GRIP1: variants seen among roughly 807,000 people sequenced by gnomAD.
The protein encoded by GRIP1 is glutamate receptor-interacting protein 1.
A neutral mutation model predicts 129.9 loss-of-function variants in GRIP1; 45 were observed. The ratio of observed to expected loss-of-function variants is 0.35; its 90% confidence interval spans 0.27 to 0.44. The LOEUF is 0.44. Ranked by LOEUF, GRIP1 falls within the 20% of genes least tolerant of loss-of-function variation. GRIP1 has a pLI of 1.00. For synonymous variants in GRIP1, 530 were observed against 520.8 expected (o/e 1.02, Z -0.24); for missense variants, 1,196 against 1,396.8 (o/e 0.86, Z 2.29).
At chr12:67,030,726 C>A (rs1411174760) in intron 1 of GRIP1, among the ~76,000 whole-genome samples, 2 of 152,172 alleles carry the variant, frequency 1.3e-5, no homozygotes, top group Non-Finnish European at 2.9e-5. Flanking sequence ...TTCATTTTAA[C>A]CCCCTATCAT....
At chr12:67,007,474 C>T (rs1423193527) in intron 1 of GRIP1, among the ~76,000 whole-genome samples, 2 of 152,078 alleles carry the variant, frequency 1.3e-5, no homozygotes, top group Non-Finnish European at 2.9e-5. Context: ...AATAACTCCC[C>T]TCATCCCCCC....
intron 1 of GRIP1, among the ~76,000 whole-genome samples, chr12:67,001,521 C>T (rs1009397112): frequency 4.6e-5 from 7 of 152,126 alleles, no homozygotes; most frequent in African/African-American, 1.7e-4. Context: ...TCGTGTGATC[C>T]TCTGTAGTCT....
chr12:66,435,211 T>TTC (rs2058266629), intron 13 of GRIP1, among the ~76,000 whole-genome samples: 1 of 151,468 alleles, frequency 6.6e-6, no homozygotes, highest in Non-Finnish European at 1.5e-5. Context: ...CATTTTTTTT[T>TTC]TTTTTTTGGA....
At chr12:66,988,047 C>G (rs1181901964) in intron 1 of GRIP1, among the ~76,000 whole-genome samples, 1 of 152,072 alleles carries the variant, frequency 6.6e-6, no homozygotes, top group African/African-American at 2.4e-5. Flanking sequence ...AACCAGAGGT[C>G]AGGATAAAAG....
At chr12:66,736,821 T>C (rs1231564690) in intron 1 of GRIP1, among the ~76,000 whole-genome samples, 2 of 152,182 alleles carry the variant, frequency 1.3e-5, no homozygotes, top group Non-Finnish European at 2.9e-5. Context: ...TAAAGATACA[T>C]TGGAACTAGA....
At chr12:66,412,155 G>T (rs557467414) in intron 15 of GRIP1, among the ~76,000 whole-genome samples, 1 of 152,208 alleles carries the variant, frequency 6.6e-6, no homozygotes, top group African/African-American at 2.4e-5. Context: ...TACAGGAGAA[G>T]ATCAACCCCA....
At chr12:66,350,733 G>C (rs750928604) in intron 24 of GRIP1, among the ~76,000 whole-genome samples, 4 of 152,098 alleles carry the variant, frequency 2.6e-5, no homozygotes, top group Non-Finnish European at 5.9e-5. Context: ...CATTAGTTCT[G>C]AAAGAGCTGT....
chr12:66,433,641 AACAGTCAGAAAG>A (rs937936548), intron 13 of GRIP1, among the ~76,000 whole-genome samples: 16 of 152,244 alleles, frequency 1.1e-4, no homozygotes, highest in African/African-American at 3.9e-4. Context: ...AAAATTCCTT[AACAGTCAGAAAG>A]ACCTTTAATT....
rs1026402666 is a variant in GRIP1 at position 66,914,035 on chromosome 12, T to C, written c.58+155015A>G. Among the ~76,000 whole-genome samples the C allele has an allele frequency of 2.6e-5, 4 of 152,310 alleles. No homozygotes were observed. The South Asian group carries it at 6.2e-4, about 24-fold the overall frequency. On this transcript the variant is annotated intron_variant, in intron 1 of 1. Coordinates refer to the GRIP1 transcript ENST00000643019. ...AAATTCTTATAACAATCCTATGAGA[T>C]CAGAATTACGCTATCCCTGTTTAAC...
intron 2 of GRIP1, among the ~76,000 whole-genome samples, chr12:66,552,600 A>G (rs1297366006): frequency 6.6e-6 from 1 of 152,160 alleles, no homozygotes; most frequent in Admixed American, 6.5e-5. Context: ...TAAATGCTAC[A>G]AAGTTTCAGA....
rs115785433 is a variant in GRIP1 at position 66,386,760 on chromosome 12, G to A, written c.2464+5548C>T. Among the ~76,000 whole-genome samples the A allele has an allele frequency of 9.8e-3, 1,495 of 152,282 alleles. 15 individuals are homozygous for A. Among genetic ancestry groups the A allele is most frequent in the African/African-American group, 0.033 (1,358 of 41,554 alleles). On this transcript the variant is annotated intron_variant, in intron 19 of 24. Coordinates refer to ENST00000359742, the MANE Select transcript of GRIP1 (RefSeq NM_001366722.1). ...TACAGGAAAGAGAGCCAGTTAATTC[G>A]CTGCCAAATTTGTTTTCTAAAGACC...
intron 4 of GRIP1, among the ~76,000 whole-genome samples, chr12:66,532,773 T>TTACCAC (rs1555202193): frequency 1.3e-5 from 2 of 151,466 alleles, no homozygotes; most frequent in African/African-American, 4.9e-5. Flanking sequence ...CTCCTCCACT[T>TTACCAC]CACCACCACC....
chr12:66,716,341 G>A (rs541178471), intron 1 of GRIP1, among the ~76,000 whole-genome samples: 4 of 151,960 alleles, frequency 2.6e-5, no homozygotes, highest in Non-Finnish European at 4.4e-5. Context: ...CCATTTATTA[G>A]AGGCTCCTGG....
intron 1 of GRIP1, among the ~76,000 whole-genome samples, chr12:66,639,451 G>T (rs2031725694): frequency 6.6e-6 from 1 of 152,150 alleles, no homozygotes; most frequent in African/African-American, 2.4e-5. Context: ...TGTACAGGCT[G>T]GATGGGTGAG....
At chr12:66,840,068 G>T (rs2039688118) in intron 1 of GRIP1, among the ~76,000 whole-genome samples, 1 of 151,972 alleles carries the variant, frequency 6.6e-6, no homozygotes, top group South Asian at 2.1e-4. Context: ...CTGTTTCATG[G>T]TTTAGGCTTA....
chr12:66,914,128 T>G (rs142347670), intron 1 of GRIP1, among the ~76,000 whole-genome samples: 25 of 152,330 alleles, frequency 1.6e-4, no homozygotes, highest in Non-Finnish European at 2.6e-4. Context: ...TCTTTATCTG[T>G]AAATTTTAAC....
chr12:66,543,074 A>T (rs181437365), intron 2 of GRIP1, among the ~76,000 whole-genome samples: 1 of 152,346 alleles, frequency 6.6e-6, no homozygotes, highest in Admixed American at 6.5e-5. Flanking sequence ...CTAGTACATT[A>T]TCCTACTAGC....
Position 66,455,525 on chromosome 12 carries a change from C to T in GRIP1, c.1238G>A (p.Ser413Asn). 6.2e-7 allele frequency: 1 copy of T among 1,613,992 alleles called. No individual in the cohort carries two copies. Among genetic ancestry groups the T allele is most frequent in the Non-Finnish European group, 8.5e-7 (1 of 1,179,870 alleles). The change falls in exon 11 of 25, where the codon AGT becomes AAT. Residue 413 changes from serine (S) to asparagine (N), a missense_variant. Physicochemically the swap from Ser to Asn is conservative, Grantham distance 46. This residue lies in a region of GRIP1 where 508 missense variants were observed against 587.0 expected (regional missense o/e 0.87). Coordinates refer to ENST00000359742, the MANE Select transcript of GRIP1 (RefSeq NM_001366722.1). ...VSSSFSPTSM[S>N]AYSLSSLNMG... ...GTTCAGGGAACTCAGGCTGTATGCA[C>T]TCATGGAGGTAGGAGAGAAGGATGA...
intron 7 of GRIP1, among the ~76,000 whole-genome samples, chr12:66,477,381 A>T (rs2059651001): frequency 6.6e-6 from 1 of 151,898 alleles, no homozygotes; most frequent in African/African-American, 2.4e-5. Flanking sequence ...ATAAAAGAGG[A>T]TACAAACAAA....
Sources: gnomAD v4.1 joint callset for allele counts (sites outside exome capture counted in the v4.1 genomes callset) on GRCh38, gnomAD v4.1.1 for gene constraint, gnomAD v4.1.1 regional missense constraint, MANE v1.5 for transcripts, NCBI Gene and HGNC (gene_info 2026-07-23, HGNC 2026-07-21) for gene names.